The following DMD variants were observed in gnomAD, a reference collection of about 807,000 sequenced individuals.
The protein encoded by DMD is dystrophin, also known as mutant dystrophin.
Under a neutral mutation model 330.1 loss-of-function variants are expected in DMD, and 63 were observed. The observed-to-expected ratio is 0.19, with a 90% CI of 0.16 to 0.24. DMD has a LOEUF of 0.24. DMD is among the 10% of genes least tolerant of loss of function. The probability of loss-of-function intolerance (pLI) is 1.00; values close to 1 mark genes in which losing one functional copy is unlikely to be tolerated. For synonymous variants in DMD, 1,223 were observed against 959.8 expected, an observed-to-expected ratio of 1.27 and a Z score of -5.07; for missense variants, 3,344 against 2,684.1, an observed-to-expected ratio of 1.25 and a Z score of -5.43.
intron 55 of DMD, among the ~76,000 whole-genome samples, chrX:31,591,394 G>C (rs180670734): frequency 1.1e-4 from 12 of 111,496 alleles, no homozygotes; most frequent in East Asian, 8.4e-4. Flanking sequence ...ATCTCAGAGA[G>C]ATCCTGTGGT....
chrX:31,121,988 A>G, intron 78 of DMD, 58 bp from the exon 79 acceptor site: 2 of 908,512 alleles, frequency 2.2e-6, no homozygotes, highest in Non-Finnish European at 3.2e-6. Flanking sequence ...AGATAGCATC[A>G]CTCTGTTTCT....
intron 64 of DMD, among the ~76,000 whole-genome samples, chrX:31,220,260 C>T (rs2045865680): frequency 9.0e-6 from 1 of 111,529 alleles, no homozygotes; most frequent in Non-Finnish European, 1.9e-5. Context: ...GCTACCACCC[C>T]ACTCTTCTCC....
At chrX:32,523,463 G>C (rs989884713) in intron 17 of DMD, among the ~76,000 whole-genome samples, 2 of 112,160 alleles carry the variant, frequency 1.8e-5, no homozygotes, top group Non-Finnish European at 3.8e-5. Context: ...ACATACTTTT[G>C]TTTGATAGTA....
chrX:31,642,450 C>A (rs1465628079), intron 54 of DMD, among the ~76,000 whole-genome samples: 1 of 111,903 alleles, frequency 8.9e-6, no homozygotes, highest in Admixed American at 9.5e-5. Flanking sequence ...AAAACATTTG[C>A]TGTTTAGATG....
At chrX:32,858,288 CCTT>C (rs1277190428) in intron 2 of DMD, among the ~76,000 whole-genome samples, 1 of 111,736 alleles carries the variant, frequency 8.9e-6, no homozygotes, top group Non-Finnish European at 1.9e-5. Flanking sequence ...AGAGATTTTG[CCTT>C]CTTCTTTTAA....
intron 43 of DMD, among the ~76,000 whole-genome samples, chrX:32,233,078 G>A (rs960490811): frequency 8.9e-6 from 1 of 112,056 alleles, no homozygotes; most frequent in African/African-American, 3.2e-5. Context: ...TTAGTCCTGA[G>A]GCTAGCAGTG....
At chrX:33,180,255 A>G (rs1313767975) in intron 1 of DMD, among the ~76,000 whole-genome samples, 1 of 112,325 alleles carries the variant, frequency 8.9e-6, no homozygotes, top group African/African-American at 3.2e-5. Flanking sequence ...CGCACTTTTT[A>G]AAGAAAATCA....
At chrX:33,114,596 C>G (rs16990912) in intron 1 of DMD, among the ~76,000 whole-genome samples, 3,205 of 111,093 alleles carry the variant, frequency 0.029, 126 homozygotes, top group African/African-American at 0.099. Context: ...AATCAAACAA[C>G]AAGAGCGTAA....
intron 1 of DMD, among the ~76,000 whole-genome samples, chrX:33,072,239 G>A (rs2094769883): frequency 8.9e-6 from 1 of 111,765 alleles, no homozygotes; most frequent in African/African-American, 3.3e-5. Context: ...TCAGCATAGT[G>A]AAACCCCTTC....
At position 31,558,629 on chromosome X, in the gene DMD, T is replaced by C. The variant is rs141673232; in HGVS notation, c.8218-51176A>G. Among the ~76,000 whole-genome samples, 738 of 109,766 alleles carry C rather than the reference T, an allele frequency of 6.7e-3. 4 individuals are homozygous for C. Among genetic ancestry groups the C allele is most frequent in the Non-Finnish European group, 0.01 (545 of 52,873 alleles). ...AAGAAAGAACTATGAAAGAATTATGTCTGAGTTATATGTGTATATATATAT... is the reference window on the plus strand; with the variant it reads ...AAGAAAGAACTATGAAAGAATTATGCCTGAGTTATATGTGTATATATATAT... On this transcript the variant is annotated intron_variant, in intron 55 of 78. Transcript: ENST00000357033.
chrX:31,857,776 G>A (rs2093639056), intron 48 of DMD, among the ~76,000 whole-genome samples: 1 of 109,580 alleles, frequency 9.1e-6, no homozygotes, highest in South Asian at 3.8e-4. Context: ...CAAAATATAT[G>A]TCAGATATAT....
At chrX:33,301,604 G>A (rs976018517) in intron 1 of DMD, among the ~76,000 whole-genome samples, 8 of 111,677 alleles carry the variant, frequency 7.2e-5, no homozygotes, top group African/African-American at 3.3e-5. Flanking sequence ...TTAATTGTTC[G>A]CAGTTCTGTA....
intron 11 of DMD, among the ~76,000 whole-genome samples, chrX:32,626,999 A>G (rs1048003395): frequency 9.5e-6 from 1 of 105,067 alleles, no homozygotes; most frequent in African/African-American, 4.1e-5. Flanking sequence ...TCACTGAGAG[A>G]ACTTTTCAAA....
intron 52 of DMD, among the ~76,000 whole-genome samples, chrX:31,715,137 C>A (rs987340480): frequency 2.1e-4 from 22 of 105,293 alleles, no homozygotes; most frequent in Non-Finnish European, 3.4e-4. Context: ...TGTACCCTCT[C>A]AAAAAACATC....
chrX:33,336,252 C>CGTGT (rs35895322), intron 1 of DMD, among the ~76,000 whole-genome samples: 3 of 97,960 alleles, frequency 3.1e-5, no homozygotes, highest in Non-Finnish European at 6.1e-5. Context: ...TTTTCCAAAG[C>CGTGT]GTGTGTGTGT....
intron 7 of DMD, among the ~76,000 whole-genome samples, chrX:32,779,458 A>G (rs2074491576): frequency 1.8e-5 from 2 of 110,590 alleles, no homozygotes; most frequent in Non-Finnish European, 3.8e-5. Flanking sequence ...TTTAATTTTT[A>G]CCACTAGCAT....
chrX:32,920,658 C>A lies in DMD; in HGVS notation c.94-70838G>T, dbSNP rs149240633. ...GATGTGTATGTTCATTTATTCCTTCCGCACATATTTGTTGAATGTTTACTT... is the reference window on the plus strand; with the variant it reads ...GATGTGTATGTTCATTTATTCCTTCAGCACATATTTGTTGAATGTTTACTT... On this transcript the variant is annotated intron_variant, in intron 2 of 78. Transcript: ENST00000357033. 4.3e-4 allele frequency among the ~76,000 whole-genome samples: 48 copies of A among 111,860 alleles called. No homozygotes were observed. The East Asian group carries it at 0.013, about 30-fold the overall frequency.
intron 44 of DMD, among the ~76,000 whole-genome samples, chrX:32,042,479 A>G (rs1275794853): frequency 2.7e-5 from 3 of 111,002 alleles, no homozygotes; most frequent in African/African-American, 9.9e-5. Context: ...TCAGGAGAAC[A>G]GCATGGGCAA....
intron 44 of DMD, among the ~76,000 whole-genome samples, chrX:32,036,149 T>C (rs761001385): frequency 3.6e-5 from 4 of 111,795 alleles, no homozygotes; most frequent in Non-Finnish European, 7.5e-5. Context: ...AAATAAGAAT[T>C]ACTGAAGGCT....
Sources: gnomAD v4.1 joint callset for allele counts (sites outside exome capture counted in the v4.1 genomes callset) on GRCh38, gnomAD v4.1.1 for gene constraint, MANE v1.5 for transcripts, NCBI Gene and HGNC (gene_info 2026-07-23, HGNC 2026-07-21) for gene names.